The following ANKRD17 variants were observed in gnomAD, a reference collection of about 807,000 sequenced individuals.
The protein encoded by ANKRD17 is ankyrin repeat domain-containing protein 17.
In ANKRD17, 19 loss-of-function variants were observed where a neutral mutation model predicts 229.7. The ratio of observed to expected loss-of-function variants is 0.08; its 90% CI spans 0.06 to 0.12. ANKRD17 has a LOEUF of 0.12. Among genes scored for constraint, ANKRD17 ranks in the 10% least tolerant of loss-of-function variants. The pLI, the probability that ANKRD17 is intolerant of heterozygous loss-of-function variation, is 1.00. For synonymous variants in ANKRD17, 1,112 were observed against 1,146.1 expected (o/e 0.97, Z 0.60); for missense variants, 2,176 against 3,176.8 (o/e 0.68, Z 7.57).
chr4:73,138,188 A>T (rs1578162496), intron 15 of ANKRD17, among the ~76,000 whole-genome samples: 1 of 152,252 alleles, frequency 6.6e-6, no homozygotes, highest in African/African-American at 2.4e-5. Flanking sequence ...GTTTACTCTC[A>T]ATTATTATAA....
At chr4:73,236,671 G>A (rs1036505164) in intron 1 of ANKRD17, among the ~76,000 whole-genome samples, 1 of 151,910 alleles carries the variant, frequency 6.6e-6, no homozygotes, top group African/African-American at 2.4e-5. Flanking sequence ...AAAAAAAAAT[G>A]ACAACTTCAT....
intron 2 of ANKRD17, among the ~76,000 whole-genome samples, chr4:73,167,766 T>C (rs1234083492): frequency 1.3e-5 from 2 of 152,242 alleles, no homozygotes; most frequent in Non-Finnish European, 2.9e-5. Flanking sequence ...GCCCTGATTA[T>C]GTTTCCAAGT....
intron 1 of ANKRD17, among the ~76,000 whole-genome samples, chr4:73,245,999 A>AG (rs1399605625): frequency 6.6e-6 from 1 of 152,188 alleles, no homozygotes; most frequent in East Asian, 1.9e-4. Flanking sequence ...ACCAACAGGT[A>AG]GGGGGCTACA....
At chr4:73,151,865 A>G (rs1395415485) in intron 6 of ANKRD17, among the ~76,000 whole-genome samples, 1 of 152,194 alleles carries the variant, frequency 6.6e-6, no homozygotes, top group East Asian at 1.9e-4. Flanking sequence ...GGAATAAATC[A>G]GTTTTCATGA....
intron 24 of ANKRD17, among the ~76,000 whole-genome samples, chr4:73,103,582 A>G (rs4694589): frequency 0.25 from 37,636 of 152,114 alleles, 6,625 homozygotes; most frequent in African/African-American, 0.5. Context: ...ATGTCATCTA[A>G]AAGATGTTTT....
intron 15 of ANKRD17, among the ~76,000 whole-genome samples, chr4:73,137,395 T>C (rs1305531522): frequency 1.3e-5 from 2 of 152,144 alleles, no homozygotes; most frequent in Admixed American, 6.5e-5. Flanking sequence ...GCAAATTTTA[T>C]GGTAGAAGTC....
At chr4:73,142,117 TAC>T in intron 13 of ANKRD17, 123 bp downstream of exon 13, 1 of 984,572 alleles carries the variant, frequency 1.0e-6, no homozygotes, top group South Asian at 2.0e-5. Flanking sequence ...CTGTATCAAG[TAC>T]ATATTTACAA....
intron 1 of ANKRD17, chr4:73,223,159 T>C (rs1407712246): frequency 2.4e-5 from 21 of 887,108 alleles, no homozygotes; most frequent in Non-Finnish European, 3.5e-5. Context: ...AGCTGTTCAC[T>C]AGCCAGGCAT....
chr4:73,204,730 A>T (rs543172934), intron 1 of ANKRD17, among the ~76,000 whole-genome samples: 109 of 152,294 alleles, frequency 7.2e-4, no homozygotes, highest in African/African-American at 2.1e-3. Context: ...CAGACCAGAG[A>T]CATAAGAGAA....
intron 30 of ANKRD17, 32 bp downstream of exon 30, chr4:73,085,216 GA>G (rs1721995007): frequency 6.3e-7 from 1 of 1,595,776 alleles, no homozygotes. Context: ...AACATATGCA[GA>G]TTCTTATGGA....
chr4:73,171,178 G>GGGGAGAGAGAGAGA (rs1553928534), intron 2 of ANKRD17, among the ~76,000 whole-genome samples: 3 of 104,444 alleles, frequency 2.9e-5, no homozygotes, highest in Non-Finnish European at 3.7e-5. Context: ...CTCAGAGGGG[G>GGGGAGAGAGAGAGA]GAGAGAGAGA....
intron 1 of ANKRD17, among the ~76,000 whole-genome samples, chr4:73,204,375 AAAAAGAAAAG>A (rs1378596760): frequency 1.3e-5 from 2 of 150,060 alleles, no homozygotes; most frequent in African/African-American, 2.5e-5. Flanking sequence ...AAAAAAAAAA[AAAAAGAAAAG>A]AAAAGAAAAG....
At chr4:73,193,551 C>T (rs2149075506) in intron 1 of ANKRD17, among the ~76,000 whole-genome samples, 1 of 152,284 alleles carries the variant, frequency 6.6e-6, no homozygotes, top group South Asian at 2.1e-4. Context: ...TTTTACTCTG[C>T]TTTTCCCTAA....
In ANKRD17 at chr4:73,254,947, A is replaced by G. The variant is rs912570242; in HGVS notation, c.393+3329T>C. 1.1e-4 allele frequency among the ~76,000 whole-genome samples: 17 copies of G among 152,152 alleles called. 1 individual carries two copies. The highest frequency in any genetic ancestry group is 1.1e-3 in the Admixed American group (17 of 15,280). On this transcript the variant is annotated intron_variant, in intron 1 of 33. Coordinates refer to ENST00000358602, the MANE Select transcript of ANKRD17 (RefSeq NM_032217.5). The stretch of plus-strand genomic sequence containing the variant: ...TTGTCCACTAATTTGAAAGAGCATC[A>G]TGGCTTTTATGTTAGAAAATATATT...
At chr4:73,146,651 TA>T (rs558348274) in intron 10 of ANKRD17, 112 bp downstream of exon 10, 38 of 807,114 alleles carry the variant, frequency 4.7e-5, no homozygotes, top group Admixed American at 1.6e-4. Context: ...AAAATAAAAA[TA>T]AAAAAAACAA....
intron 3 of ANKRD17, among the ~76,000 whole-genome samples, chr4:73,159,336 T>C (rs920295145): frequency 6.6e-6 from 1 of 152,066 alleles, no homozygotes; most frequent in African/African-American, 2.4e-5. Context: ...TTTATGCATA[T>C]ACCCTAATTT....
chr4:73,194,415 A>T (rs1737560131), intron 1 of ANKRD17, among the ~76,000 whole-genome samples: 1 of 152,218 alleles, frequency 6.6e-6, no homozygotes, highest in African/African-American at 2.4e-5. Flanking sequence ...TCCCTAGACT[A>T]TTCTGATCCA....
At chr4:73,121,586 A>G (rs879702211) in intron 19 of ANKRD17, 31 bp downstream of exon 19, 17 of 1,611,930 alleles carry the variant, frequency 1.1e-5, no homozygotes, top group Non-Finnish European at 1.3e-5. Context: ...CTTACTAAAT[A>G]AGGGGCTTAC....
At position 73,174,743 on chromosome 4, in the gene ANKRD17, C is replaced by T. The variant is rs912706021; in HGVS notation, c.547+2637G>A. ...AGCAAAGTTGCAGGAAACAAATCAA[C>T]ATACAAAACTCAGTACCATGTCTAT... On this transcript the variant is annotated intron_variant, in intron 2 of 33. Coordinates refer to ENST00000358602, the MANE Select transcript of ANKRD17 (RefSeq NM_032217.5). 3.9e-5 allele frequency among the ~76,000 whole-genome samples: 6 copies of T among 152,226 alleles called. No individual in the cohort carries two copies. The South Asian group carries it at 1.0e-3, about 26-fold the overall frequency.
Sources: gnomAD v4.1 joint callset for allele counts (sites outside exome capture counted in the v4.1 genomes callset) on GRCh38, gnomAD v4.1.1 for gene constraint, MANE v1.5 for transcripts, NCBI Gene and HGNC (gene_info 2026-07-23, HGNC 2026-07-21) for gene names.